The following ZUP1 variants were observed in gnomAD, a reference collection of about 807,000 sequenced individuals.
The protein encoded by ZUP1 is zinc finger-containing ubiquitin peptidase 1.
ZUP1 carries 55 observed loss-of-function variants against 68.1 expected under a neutral mutation model. The observed-to-expected ratio is 0.81, with a 90% confidence interval of 0.65 to 1.01. The LOEUF (loss-of-function observed/expected upper bound fraction) is 1.01. Among genes scored for constraint, ZUP1 ranks in the 50% least tolerant of loss-of-function variants. The probability of loss-of-function intolerance (pLI) is 0.00; values close to 1 mark genes in which losing one functional copy is unlikely to be tolerated. For synonymous variants in ZUP1, 223 were observed against 221.5 expected (o/e 1.01, Z -0.06); for missense variants, 684 against 674.9 (o/e 1.01, Z -0.15).
At chr6:116,638,783 T>C (rs1449070600) in intron 9 of ZUP1, among the ~76,000 whole-genome samples, 3 of 152,202 alleles carry the variant, frequency 2.0e-5, no homozygotes, top group Non-Finnish European at 4.4e-5. Context: ...GATTTCTGCA[T>C]TTCCATCTGA....
At position 116,642,284 on chromosome 6, in the gene ZUP1, T is replaced by C. The variant is rs1253290968; in HGVS notation, c.1689+3430A>G. 2.0e-5 allele frequency among the ~76,000 whole-genome samples: 3 copies of C among 152,310 alleles called. No homozygotes were observed. The East Asian group carries it at 5.8e-4, about 29-fold the overall frequency. Reference sequence around the variant, plus strand: ...AAGGAGGAACTGGTAACATTCCTTCTGAAACTATTCCGATCAATAGAAAAA... The same window carrying C: ...AAGGAGGAACTGGTAACATTCCTTCCGAAACTATTCCGATCAATAGAAAAA... On this transcript the variant is annotated intron_variant, in intron 9 of 9. Coordinates refer to ENST00000368576, the MANE Select transcript of ZUP1 (RefSeq NM_145062.3).
In ZUP1 at chr6:116,639,124, A is replaced by G. The variant is rs569407805; in HGVS notation, c.1690-3245T>C. 2.5e-4 allele frequency among the ~76,000 whole-genome samples: 38 copies of G among 152,344 alleles called. 1 individual carries two copies. The highest frequency in any genetic ancestry group is 9.1e-4 in the African/African-American group (38 of 41,588). On this transcript the variant is annotated intron_variant, in intron 9 of 9. Coordinates refer to ENST00000368576, the MANE Select transcript of ZUP1 (RefSeq NM_145062.3). ...TGAGATCAAACTGCAAGGCGGCAGC[A>G]AGGCTGCGGGAGGGGTGCCCGCCAT...
intron 9 of ZUP1, among the ~76,000 whole-genome samples, chr6:116,643,334 C>A (rs1367539771): frequency 1.3e-5 from 2 of 152,062 alleles, no homozygotes; most frequent in East Asian, 3.9e-4. Context: ...TTGGAAAAAA[C>A]TACTTTAAAG....
chr6:116,644,158 A>G (rs557039419), intron 9 of ZUP1, among the ~76,000 whole-genome samples: 328 of 152,372 alleles, frequency 2.2e-3, no homozygotes, highest in African/African-American at 7.1e-3. Context: ...CACACCAGTT[A>G]GAATGTCAAT....
intron 7 of ZUP1, among the ~76,000 whole-genome samples, chr6:116,650,319 G>C (rs768906294): frequency 1.3e-5 from 2 of 151,200 alleles, no homozygotes; most frequent in African/African-American, 2.4e-5. Context: ...CTACTAGGGA[G>C]GCTGAGGCAG....
Position 116,658,927 on chromosome 6 carries a change from GT to G in ZUP1, c.671-4del, listed in dbSNP as rs1562409589. The G allele has an allele frequency of 4.4e-6, 7 of 1,596,496 alleles. No individual in the cohort carries two copies. The East Asian group carries it at 1.6e-4, about 36-fold the overall frequency. On this transcript the variant is annotated splice_polypyrimidine_tract_variant and splice_region_variant and intron_variant, in intron 3 of 9. Transcript: ENST00000368576. ...AGAACACTGGACTCTATCCATGCCTGTTAGGTATTGTTAATGTTCAGAATAA... is the reference window on the plus strand; with the variant it reads ...AGAACACTGGACTCTATCCATGCCTGTAGGTATTGTTAATGTTCAGAATAA...
At chr6:116,658,468 C>G (rs546095001) in intron 4 of ZUP1, among the ~76,000 whole-genome samples, 1 of 152,120 alleles carries the variant, frequency 6.6e-6, no homozygotes, top group Non-Finnish European at 1.5e-5. Context: ...TCAACTTACA[C>G]AGGTTTGAAT....
chr6:116,645,938 T>C lies in ZUP1; in HGVS notation c.1469-4A>G, dbSNP rs946607013. ...CCAATAACAGTTCGACTGTGACCTA[T>C]CAAAAGATTTTTAAGTTATACATAC... On this transcript the variant is annotated splice_region_variant and splice_polypyrimidine_tract_variant and intron_variant, in intron 8 of 9. Transcript: ENST00000368576. The C allele has an allele frequency of 3.7e-6, 6 of 1,604,162 alleles. No individual in the cohort carries two copies. In the African/African-American group the frequency reaches 6.7e-5, roughly 18 times the overall value.
intron 7 of ZUP1, among the ~76,000 whole-genome samples, chr6:116,650,178 T>G (rs4946187): frequency 0.36 from 54,635 of 151,934 alleles, 10,388 homozygotes; most frequent in African/African-American, 0.48. Flanking sequence ...ATCCTAGCAC[T>G]TCGGGAAGCC....
At chr6:116,645,401 T>C (rs1776259846) in intron 9 of ZUP1, among the ~76,000 whole-genome samples, 1 of 151,488 alleles carries the variant, frequency 6.6e-6, no homozygotes, top group South Asian at 2.1e-4. Flanking sequence ...GGCACCATGG[T>C]GAAACCCCGT....
intron 9 of ZUP1, among the ~76,000 whole-genome samples, chr6:116,643,052 CAG>C (rs1321816239): frequency 6.6e-6 from 1 of 151,310 alleles, no homozygotes; most frequent in Non-Finnish European, 1.5e-5. Context: ...AACAGACAAA[CAG>C]AGAGCCAAAT....
At chr6:116,642,367 T>TGG (rs1562399763) in intron 9 of ZUP1, among the ~76,000 whole-genome samples, 199 of 151,270 alleles carry the variant, frequency 1.3e-3, no homozygotes, top group African/African-American at 4.5e-3. Flanking sequence ...ACCAAAGCCT[T>TGG]GCAGAGACAC....
At chr6:116,663,007 T>C (rs549577328) in intron 2 of ZUP1, among the ~76,000 whole-genome samples, 8 of 152,340 alleles carry the variant, frequency 5.3e-5, no homozygotes, top group African/African-American at 1.9e-4. Context: ...TCAATATCCA[T>C]AGAAATAGTT....
chr6:116,641,268 T>C (rs1295372184), intron 9 of ZUP1, among the ~76,000 whole-genome samples: 1 of 151,922 alleles, frequency 6.6e-6, no homozygotes, highest in Non-Finnish European at 1.5e-5. Context: ...CTGTCAACAT[T>C]AGACAGATCA....
intron 2 of ZUP1, 152 bp from the exon 3 acceptor site, chr6:116,660,998 C>T: frequency 3.7e-6 from 2 of 542,326 alleles, no homozygotes; most frequent in Non-Finnish European, 3.2e-6. Context: ...CCCATCTCAG[C>T]CTCCCAAGTA....
At position 116,660,820 on chromosome 6, in the gene ZUP1, G is replaced by A. The variant is rs1776812978; in HGVS notation, c.586C>T (p.Pro196Ser). Reference sequence around the variant, plus strand: ...TTTGTACATATGAGCCCACACATAGGACAATCATAGAGTGGTTGATCACAG... The same window carrying A: ...TTTGTACATATGAGCCCACACATAGAACAATCATAGAGTGGTTGATCACAG... The part of the protein sequence containing the change: ...EDCDQPLYDC[P>S]MCGLICTNYH... Residue 196 changes from proline to serine, a missense_variant, in exon 3 of 10, where the codon CCT (proline) becomes TCT (serine). Coordinates refer to ENST00000368576, the MANE Select transcript of ZUP1 (RefSeq NM_145062.3). 1.9e-6 allele frequency: 3 copies of A among 1,598,370 alleles called. No individual in the cohort carries two copies. Among genetic ancestry groups the A allele is most frequent in the East Asian group, 2.2e-5 (1 of 44,646 alleles).
rs542624443 is a variant in ZUP1 at position 116,656,141 on chromosome 6, G to A, written c.961+543C>T. 2.4e-3 allele frequency among the ~76,000 whole-genome samples: 360 copies of A among 151,604 alleles called. 2 individuals are homozygous for A. The highest frequency in any genetic ancestry group is 7.7e-3 in the African/African-American group (319 of 41,338). On this transcript the variant is annotated intron_variant, in intron 5 of 9. Transcript: ENST00000368576. ...GTTGCCCAGGCTGGAGTGCAATGGCGCAATCTCGGCTCACCGCAACCTCCG... is the reference window on the plus strand; with the variant it reads ...GTTGCCCAGGCTGGAGTGCAATGGCACAATCTCGGCTCACCGCAACCTCCG...
intron 9 of ZUP1, among the ~76,000 whole-genome samples, chr6:116,642,388 G>C (rs1322394063): frequency 1.3e-5 from 2 of 151,906 alleles, no homozygotes; most frequent in Non-Finnish European, 2.9e-5. Context: ...AACCAAAAAA[G>C]AGAATTTTAG....
rs1460330585 is a variant in ZUP1, at chr6:116,658,817, A to T, written c.778T>A (p.Phe260Ile). Residue 260 changes from phenylalanine (F) to isoleucine (I), a missense_variant, in exon 4 of 10, where the codon TTT (phenylalanine) becomes ATT (isoleucine). By Grantham distance (21) the Phe-to-Ile change is conservative (BLOSUM62 0). Coordinates refer to ENST00000368576, the MANE Select transcript of ZUP1 (RefSeq NM_145062.3). Reference protein sequence around the residue: ...SEESRQEIEEFQKLQRQYGLD... With the variant: ...SEESRQEIEEIQKLQRQYGLD... Reference sequence around the variant, plus strand: ...AATCTTTGTACCTGCAGCTTCTGAAATTCTTCTATTTCTTGTCTTGATTCT... The same window carrying T: ...AATCTTTGTACCTGCAGCTTCTGAATTTCTTCTATTTCTTGTCTTGATTCT... The T allele has an allele frequency of 6.3e-7, 1 of 1,588,782 alleles. No homozygotes were observed. The highest frequency in any genetic ancestry group is 1.4e-5 in the African/African-American group (1 of 73,886).
Sources: gnomAD v4.1 joint callset for allele counts (sites outside exome capture counted in the v4.1 genomes callset) on GRCh38, gnomAD v4.1.1 for gene constraint, MANE v1.5 for transcripts, NCBI Gene and HGNC (gene_info 2026-07-23, HGNC 2026-07-21) for gene names.